The following FAM13A variants were observed in gnomAD, a reference collection of about 807,000 sequenced individuals.
FAM13A encodes protein FAM13A.
A neutral mutation model predicts 129.6 loss-of-function variants in FAM13A; 76 were observed. That is an observed-to-expected ratio of 0.59 (90% confidence interval 0.49 to 0.71). FAM13A has a LOEUF of 0.71. Ranked by LOEUF, FAM13A falls within the 30% of genes least tolerant of loss-of-function variation. FAM13A has a pLI of 0.00. For missense variants in FAM13A, 1,108 were observed against 1,249.3 expected (o/e 0.89, Z 1.70); for synonymous variants, 443 against 449.9 (o/e 0.98, Z 0.20).
rs1481483376 is a variant in FAM13A, at chr4:88,732,133, G to A, written c.2712C>T (p.Thr904=). 5 of 1,613,504 alleles carry A rather than the reference G, an allele frequency of 3.1e-6. No individual in the cohort carries two copies. Among genetic ancestry groups the A allele is most frequent in the Non-Finnish European group, 4.2e-6 (5 of 1,179,716 alleles). ...VKPDFMVTLK[T]DFSARCFLDQ... ...CCAGAAAGCATCGTGCACTGAAATC[G>A]GTTTTCAGAGTGACCATGAAGTCTG... Residue 904 remains threonine (T), a synonymous_variant, in exon 22 of 24, where the codon ACC becomes ACT. Transcript: ENST00000264344.
Position 88,760,400 on chromosome 4 carries a change from C to A in FAM13A, c.1579-1499G>T, listed in dbSNP as rs1744557026. On this transcript the variant is annotated intron_variant, in intron 13 of 23. Coordinates refer to ENST00000264344, the MANE Select transcript of FAM13A (RefSeq NM_014883.4). ...CGGGCGGATCATGAGGTCAGGAGAT[C>A]GAGACCATCCTGGCTAACGCGGTGA... Among the ~76,000 whole-genome samples, 2 of 29,658 alleles carry A rather than the reference C, an allele frequency of 6.7e-5. 1 individual carries two copies. 19.5% of individuals were successfully genotyped at this position (29,658 alleles called of 152,430 possible). A position where few individuals can be genotyped will look rare whatever the true frequency, so the allele number is the denominator to read the frequency against.
chr4:89,019,508 C>G (rs560100312), intron 3 of FAM13A, among the ~76,000 whole-genome samples: 6 of 152,028 alleles, frequency 3.9e-5, no homozygotes, highest in Non-Finnish European at 8.8e-5. Flanking sequence ...TGCCTGTAAT[C>G]CCAGCTCTTG....
chr4:88,887,993 C>T (rs1744728065), intron 6 of FAM13A, among the ~76,000 whole-genome samples: 1 of 152,162 alleles, frequency 6.6e-6, no homozygotes, highest in South Asian at 2.1e-4. Context: ...AAAAATCAAA[C>T]CACTCTACAA....
Position 89,006,719 on chromosome 4 carries a change from T to C in FAM13A, c.427+13741A>G, listed in dbSNP as rs116314173. ...TGTCTGGCAACCAGGAAGAGTCAGG[T>C]CACATGGATTTGAAGGATGGTGAAT... On this transcript the variant is annotated intron_variant, in intron 3 of 23. Transcript: ENST00000264344. Among the ~76,000 whole-genome samples, 687 of 152,264 alleles carry C rather than the reference T, an allele frequency of 4.5e-3. 4 individuals are homozygous for C. Among genetic ancestry groups the C allele is most frequent in the African/African-American group, 0.016 (653 of 41,554 alleles).
chr4:88,892,382 T>C (rs1207411954), intron 6 of FAM13A, among the ~76,000 whole-genome samples: 1 of 151,972 alleles, frequency 6.6e-6, no homozygotes, highest in Non-Finnish European at 1.5e-5. Context: ...GGTTTCACCA[T>C]GTTAGCCAGG....
chr4:88,823,030 T>C (rs766025670), intron 7 of FAM13A: 1 of 1,613,530 alleles, frequency 6.2e-7, no homozygotes, highest in South Asian at 1.1e-5. Flanking sequence ...TGCAAGGGAA[T>C]CTCACAACTG....
At chr4:88,955,464 C>A (rs953249554) in intron 4 of FAM13A, among the ~76,000 whole-genome samples, 4 of 152,044 alleles carry the variant, frequency 2.6e-5, no homozygotes, top group Non-Finnish European at 5.9e-5. Context: ...AGCGTGAGAA[C>A]AAACCAACAC....
At chr4:88,952,947 C>CAAATAAAT (rs546940049) in intron 4 of FAM13A, among the ~76,000 whole-genome samples, 2 of 151,910 alleles carry the variant, frequency 1.3e-5, no homozygotes, top group African/African-American at 2.4e-5. Context: ...GACTCTGTCT[C>CAAATAAAT]AAATAAATAA....
intron 1 of FAM13A, among the ~76,000 whole-genome samples, chr4:89,031,137 T>C (rs182475892): frequency 2.0e-5 from 3 of 152,282 alleles, no homozygotes; most frequent in East Asian, 1.9e-4. Context: ...GTCAAACTTG[T>C]AACAGTTAAT....
Position 88,781,254 on chromosome 4 carries a change from A to G in FAM13A, c.1369T>C (p.Phe457Leu). ...TTGCTCCTTTCTCCAGCACAACCAA[A>G]AGTATTTTTGTGTACCTTTTCGACT... ...QEVEKVHKNTFGCAGERSKPK... is the reference protein window; with the variant it reads ...QEVEKVHKNTLGCAGERSKPK... Residue 457 changes from phenylalanine (F) to leucine (L), a missense_variant, in exon 11 of 24, where the codon TTT becomes CTT. This residue lies in a region of FAM13A where 566 missense variants were observed against 595.7 expected (regional missense o/e 0.95). Coordinates refer to ENST00000264344, the MANE Select transcript of FAM13A (RefSeq NM_014883.4). 1 of 1,612,900 alleles carries G rather than the reference A, an allele frequency of 6.2e-7. No homozygotes were observed.
chr4:88,893,188 A>T (rs1309429183), intron 6 of FAM13A, among the ~76,000 whole-genome samples: 1 of 152,218 alleles, frequency 6.6e-6, no homozygotes, highest in African/African-American at 2.4e-5. Flanking sequence ...TGAGTTTACA[A>T]ATTAAACCCC....
chr4:88,759,119 G>A (rs1320149997), intron 13 of FAM13A: 8 of 470,410 alleles, frequency 1.7e-5, no homozygotes, highest in Middle Eastern at 3.0e-4. Flanking sequence ...CTTTCCCCAG[G>A]CTGCTCTTCC....
chr4:88,741,457 T>C (rs1328456892), intron 19 of FAM13A, among the ~76,000 whole-genome samples: 1 of 152,170 alleles, frequency 6.6e-6, no homozygotes, highest in African/African-American at 2.4e-5. Context: ...AGTTAGATGA[T>C]AGTGGTTTTC....
intron 4 of FAM13A, among the ~76,000 whole-genome samples, chr4:88,979,909 T>G (rs1294069515): frequency 6.6e-6 from 1 of 152,124 alleles, no homozygotes; most frequent in East Asian, 1.9e-4. Flanking sequence ...AGGTGGAAGT[T>G]GCAGTGAGTG....
At chr4:88,742,086 A>G (rs938969770) in intron 19 of FAM13A, among the ~76,000 whole-genome samples, 1 of 152,220 alleles carries the variant, frequency 6.6e-6, no homozygotes, top group Non-Finnish European at 1.5e-5. Context: ...ACGGTTGAGT[A>G]ACCAAAGACA....
intron 2 of FAM13A, among the ~76,000 whole-genome samples, chr4:89,028,197 C>T (rs571834522): frequency 6.8e-6 from 1 of 146,220 alleles, no homozygotes; most frequent in Admixed American, 6.8e-5. Context: ...CAAAAGCTAA[C>T]CTCCGTCTCA....
intron 6 of FAM13A, among the ~76,000 whole-genome samples, chr4:88,902,990 C>T (rs895354699): frequency 6.6e-6 from 1 of 152,100 alleles, no homozygotes; most frequent in Non-Finnish European, 1.5e-5. Context: ...AATGAACTCC[C>T]ATTCACAATT....
At chr4:88,984,119 C>T (rs765307516) in intron 4 of FAM13A, among the ~76,000 whole-genome samples, 51 of 152,254 alleles carry the variant, frequency 3.3e-4, no homozygotes, top group Non-Finnish European at 5.7e-4. Flanking sequence ...TGAAGTTAGA[C>T]TCCTTTATAC....
chr4:89,046,858 A>T (rs1009988859), intron 1 of FAM13A, among the ~76,000 whole-genome samples: 1 of 152,224 alleles, frequency 6.6e-6, no homozygotes, highest in Non-Finnish European at 1.5e-5. Flanking sequence ...CTCGAAAAGA[A>T]AAGAAAAGTA....
Sources: allele counts gnomAD v4.1 joint callset (sites outside exome capture counted in the v4.1 genomes callset), GRCh38; gene constraint gnomAD v4.1.1; regional missense constraint gnomAD v4.1.1; transcripts MANE v1.5; gene names NCBI Gene and HGNC (gene_info 2026-07-23, HGNC 2026-07-21).